Variants in THAP4 observed in about 807,000 individuals in gnomAD.
THAP4 encodes the protein THAP domain containing 4.
THAP4 carries 18 observed loss-of-function variants against 48.1 expected under a neutral mutation model. The observed-to-expected ratio is 0.37, with a 90% CI of 0.26 to 0.56. The LOEUF (loss-of-function observed/expected upper bound fraction) is 0.56, where lower values mean the gene tolerates loss of function less well. Ranked by LOEUF, THAP4 falls within the 20% of genes least tolerant of loss-of-function variation. THAP4 has a pLI of 0.78. For synonymous variants in THAP4, 345 were observed against 324.9 expected (o/e 1.06, Z -0.66); for missense variants, 656 against 774.9 (o/e 0.85, Z 1.82).
Position 241,612,461 on chromosome 2 carries a change from G to C in THAP4, c.1241-5988C>G, listed in dbSNP as rs771030334. 6.6e-6 allele frequency among the ~76,000 whole-genome samples: 1 copy of C among 152,160 alleles called. No homozygotes were observed. The highest frequency in any genetic ancestry group is 1.5e-5 in the Non-Finnish European group (1 of 68,028). On this transcript the variant is annotated intron_variant, in intron 2 of 5. Coordinates refer to ENST00000407315, the MANE Select transcript of THAP4 (RefSeq NM_015963.6). The surrounding 1 kb of genome is among the most constrained non-coding windows in gnomAD (Gnocchi z 4.1). ...CAGAAATGACACACCTGTCCCCACA[G>C]GACGCTGCCCATGAATGTTTACAGC...
Position 241,633,618 on chromosome 2 carries a change from G to A in THAP4, c.539C>T (p.Ala180Val), listed in dbSNP as rs2067599212. The A allele has an allele frequency of 3.1e-6, 5 of 1,613,276 alleles. No homozygotes were observed. The highest frequency in any genetic ancestry group is 4.2e-6 in the Non-Finnish European group (5 of 1,179,968). ...TCCCTGACTGCCTGCCACCATGGTGGCCAGTCCATCTCCTGGAGTCCGTTC... is the reference window on the plus strand; with the variant it reads ...TCCCTGACTGCCTGCCACCATGGTGACCAGTCCATCTCCTGGAGTCCGTTC... ...ALERTPGDGL[A>V]TMVAGSQGKA... Residue 180 changes from alanine (A) to valine (V), a missense_variant, in exon 2 of 6, where the codon GCC (alanine) becomes GTC (valine). By Grantham distance (64) the Ala-to-Val change is moderately conservative. Coordinates refer to ENST00000407315, the MANE Select transcript of THAP4 (RefSeq NM_015963.6). The surrounding 1 kb of genome is among the most constrained non-coding windows in gnomAD (Gnocchi z 7.5).
intron 5 of THAP4, among the ~76,000 whole-genome samples, chr2:241,586,582 C>T (rs1251454003): frequency 6.6e-6 from 1 of 152,094 alleles, no homozygotes; most frequent in African/African-American, 2.4e-5. Flanking sequence ...AGACACCTCC[C>T]CCACCCTCAC....
At position 241,601,564 on chromosome 2, in the gene THAP4, T is replaced by C. The variant is rs1258468253; in HGVS notation, c.1614+332A>G. The stretch of plus-strand genomic sequence containing the variant: ...AACAGTGTGTATCAAATTTAAAATG[T>C]ACCTGTCCTTTGATCCAGCAATTTA... On this transcript the variant is annotated intron_variant, in intron 5 of 5. Coordinates refer to ENST00000407315, the MANE Select transcript of THAP4 (RefSeq NM_015963.6). The surrounding 1 kb of genome is among the most constrained non-coding windows in gnomAD (Gnocchi z 4.0). Among the ~76,000 whole-genome samples the C allele has an allele frequency of 6.6e-6, 1 of 152,186 alleles. No individual in the cohort carries two copies. The highest frequency in any genetic ancestry group is 1.5e-5 in the Non-Finnish European group (1 of 68,034).
intron 5 of THAP4, among the ~76,000 whole-genome samples, chr2:241,593,474 G>A (rs1054681301): frequency 2.0e-5 from 3 of 152,112 alleles, no homozygotes; most frequent in East Asian, 1.9e-4. Context: ...GCCACAGAAC[G>A]TGAGGGGCTG....
intron 5 of THAP4, among the ~76,000 whole-genome samples, chr2:241,593,455 C>T (rs981659954): frequency 6.6e-6 from 1 of 151,976 alleles, no homozygotes; most frequent in Non-Finnish European, 1.5e-5. Flanking sequence ...AGATGGGAGG[C>T]GGCACACAGC....
At chr2:241,604,273 A>G (rs553016379) in intron 3 of THAP4, among the ~76,000 whole-genome samples, 34 of 151,558 alleles carry the variant, frequency 2.2e-4, no homozygotes, top group Non-Finnish European at 4.1e-4. Flanking sequence ...TTTTTGAGAC[A>G]GAGTTTCTCT....
Position 241,618,091 on chromosome 2 carries a change from G to A in THAP4, c.1241-11618C>T, listed in dbSNP as rs866793438. On this transcript the variant is annotated intron_variant, in intron 2 of 5. Coordinates refer to ENST00000407315, the MANE Select transcript of THAP4 (RefSeq NM_015963.6). ...CAGGGTGCATGGAAGCTGAGGGTGC[G>A]CGGCCCGCACCAGCTGTCCCAAGGT... 1.1e-4 allele frequency among the ~76,000 whole-genome samples: 16 copies of A among 152,342 alleles called. No individual in the cohort carries two copies. The South Asian group carries it at 3.1e-3, about 30-fold the overall frequency.
At chr2:241,619,480 A>C (rs2067384427) in intron 2 of THAP4, among the ~76,000 whole-genome samples, 1 of 152,268 alleles carries the variant, frequency 6.6e-6, no homozygotes, top group Non-Finnish European at 1.5e-5. Flanking sequence ...TACACACCCC[A>C]GTGTGTTACT....
intron 2 of THAP4, among the ~76,000 whole-genome samples, chr2:241,607,507 G>A (rs1163263424): frequency 6.6e-6 from 1 of 151,580 alleles, no homozygotes; most frequent in African/African-American, 2.4e-5. Context: ...TGCTTCCCAG[G>A]CCTGCTTAAC....
chr2:241,637,331 C>G, upstream of THAP4: 1 of 1,264,616 alleles, frequency 7.9e-7, no homozygotes, highest in African/African-American at 1.6e-5. Flanking sequence ...AAGTCCGTAC[C>G]GCGACATGGG....
intron 2 of THAP4, among the ~76,000 whole-genome samples, chr2:241,622,091 C>T (rs576152395): frequency 3.9e-5 from 6 of 152,222 alleles, no homozygotes; most frequent in Admixed American, 6.5e-5. Flanking sequence ...CTTATTTACG[C>T]GGGCGCGGTG....
At chr2:241,600,340 T>G (rs998838645) in intron 5 of THAP4, among the ~76,000 whole-genome samples, 2 of 151,954 alleles carry the variant, frequency 1.3e-5, no homozygotes, top group African/African-American at 4.8e-5. Context: ...TCTGGAAGAG[T>G]TAGAATTATA....
intron 2 of THAP4, among the ~76,000 whole-genome samples, chr2:241,624,318 T>C (rs931507312): frequency 6.6e-6 from 1 of 151,844 alleles, no homozygotes; most frequent in Admixed American, 6.6e-5. Context: ...AAACACAGTC[T>C]CTACTAAAAA....
At chr2:241,593,806 C>T (rs1298594462) in intron 5 of THAP4, among the ~76,000 whole-genome samples, 4 of 152,154 alleles carry the variant, frequency 2.6e-5, no homozygotes, top group Admixed American at 2.6e-4. Flanking sequence ...CCCACCTCAC[C>T]CTCTCAAGTA....
chr2:241,626,535 ACT>A (rs934066987), intron 2 of THAP4, among the ~76,000 whole-genome samples: 1 of 151,820 alleles, frequency 6.6e-6, no homozygotes, highest in Admixed American at 6.6e-5. Context: ...GAAAAAAAAC[ACT>A]GTTATTATTT....
chr2:241,584,434 A>C lies in THAP4; in HGVS notation c.*172T>G. ...ATTCAAAATCCTCAGCCATAAAAAT[A>C]AAGGCCTTTTATTTGGTTTTTCTAT... On this transcript the variant is annotated 3_prime_UTR_variant, in exon 6 of 6. Transcript: ENST00000407315. 3.6e-5 allele frequency: 22 copies of C among 619,328 alleles called. No individual in the cohort carries two copies. The highest frequency in any genetic ancestry group is 4.0e-5 in the Non-Finnish European group (14 of 353,126). The allele number at this position is 619,328 out of a possible 1,614,324, so 38.4% of individuals were successfully genotyped here. A position where few individuals can be genotyped will look rare whatever the true frequency, so the allele number is the denominator to read the frequency against.
chr2:241,613,776 CAAAA>C (rs1011855730), intron 2 of THAP4, among the ~76,000 whole-genome samples: 2 of 151,450 alleles, frequency 1.3e-5, no homozygotes, highest in African/African-American at 4.9e-5. Flanking sequence ...AAAAACAAAA[CAAAA>C]AAAAGTAAAA....
intron 2 of THAP4, among the ~76,000 whole-genome samples, chr2:241,625,942 G>A (rs1008879157): frequency 6.6e-6 from 1 of 151,998 alleles, no homozygotes. Flanking sequence ...ATGACCCAGT[G>A]AGATCTATTC....
intron 5 of THAP4, among the ~76,000 whole-genome samples, chr2:241,588,745 GACT>G (rs1168301827): frequency 6.6e-6 from 1 of 152,156 alleles, no homozygotes; most frequent in Non-Finnish European, 1.5e-5. Context: ...GAAAAAACGT[GACT>G]ACTACCTCAT....
Sources: gnomAD v4.1 joint callset for allele counts (sites outside exome capture counted in the v4.1 genomes callset) on GRCh38, gnomAD v4.1.1 for gene constraint, Gnocchi (gnomAD v3.1) non-coding constraint, MANE v1.5 for transcripts, NCBI Gene and HGNC (gene_info 2026-07-23, HGNC 2026-07-21) for gene names.